The following FLRT1 variants were observed in gnomAD, a reference collection of about 807,000 sequenced individuals.
FLRT1 encodes leucine-rich repeat transmembrane protein FLRT1.
In FLRT1, 14 loss-of-function variants were observed where a neutral mutation model predicts 30.9. That is an observed-to-expected ratio of 0.45 (90% CI 0.30 to 0.71). The LOEUF (loss-of-function observed/expected upper bound fraction) is 0.71, where lower values mean the gene tolerates loss of function less well. Ranked by LOEUF, FLRT1 falls within the 30% of genes least tolerant of loss-of-function variation. FLRT1 has a pLI of 0.08. For synonymous variants in FLRT1, 368 were observed against 430.4 expected (o/e 0.85, Z 1.80); for missense variants, 737 against 949.2 (o/e 0.78, Z 2.94).
intron 2 of FLRT1, among the ~76,000 whole-genome samples, chr11:64,112,090 T>C (rs188124533): frequency 6.6e-6 from 1 of 152,358 alleles, no homozygotes; most frequent in African/African-American, 2.4e-5. Context: ...TTCTCTCATC[T>C]ACAGAACGAG....
At chr11:64,060,276 G>C (rs1943874927) in intron 1 of FLRT1, 1 of 152,232 alleles carries the variant, frequency 6.6e-6, no homozygotes, top group African/African-American at 2.4e-5. Context: ...CTCCGGGAGC[G>C]GCGGGAGGTC....
chr11:64,054,888 C>G (rs1275180302), intron 1 of FLRT1, among the ~76,000 whole-genome samples: 1 of 152,084 alleles, frequency 6.6e-6, no homozygotes, highest in Non-Finnish European at 1.5e-5. Flanking sequence ...ACAAATACCC[C>G]CACTACTCTT....
chr11:64,085,327 C>T (rs772182439), intron 1 of FLRT1, among the ~76,000 whole-genome samples: 6 of 152,194 alleles, frequency 3.9e-5, no homozygotes, highest in Non-Finnish European at 7.3e-5. Context: ...GCAAACAAGC[C>T]TCAGCGCCCG....
At chr11:64,052,876 C>A (rs769237894) in intron 1 of FLRT1, among the ~76,000 whole-genome samples, 22 of 152,206 alleles carry the variant, frequency 1.4e-4, no homozygotes, top group Non-Finnish European at 2.5e-4. Flanking sequence ...CCTGCCAGAG[C>A]CCACCACTAC....
chr11:64,115,743 C>T (rs56207008), intron 2 of FLRT1, among the ~76,000 whole-genome samples: 16,840 of 152,200 alleles, frequency 0.11, 1,169 homozygotes, highest in Non-Finnish European at 0.16. Context: ...GACAGCAATG[C>T]GTGCTCCTCG....
At position 64,096,257 on chromosome 11, in the gene FLRT1, C is replaced by T. The variant is rs1412875984; in HGVS notation, c.-1037-6937C>T. Among the ~76,000 whole-genome samples, 1 of 152,198 alleles carries T rather than the reference C, an allele frequency of 6.6e-6. No individual in the cohort carries two copies. The highest frequency in any genetic ancestry group is 2.4e-5 in the African/African-American group (1 of 41,450). On this transcript the variant is annotated intron_variant, in intron 1 of 2. Coordinates refer to ENST00000682287, the MANE Select transcript of FLRT1 (RefSeq NM_013280.5). The surrounding 1 kb of genome is among the most constrained non-coding windows in gnomAD (Gnocchi z 4.6). ...CCACTGTTCTGCCGACAAAAGCAGG[C>T]CAATTTCCTGAAAGAAGAGGTTCCG...
chr11:64,094,500 C>T (rs1944542897), intron 1 of FLRT1, among the ~76,000 whole-genome samples: 1 of 151,962 alleles, frequency 6.6e-6, no homozygotes. Context: ...GGGAAGCTTC[C>T]TGGAGGAAGA....
At chr11:64,108,313 CAA>C (rs59331409) in intron 2 of FLRT1, among the ~76,000 whole-genome samples, 47 of 100,672 alleles carry the variant, frequency 4.7e-4, no homozygotes, top group Admixed American at 7.6e-4. Flanking sequence ...AACTCTGTCT[CAA>C]AAAAAAAAAA....
chr11:64,083,443 T>C (rs1474951965), intron 1 of FLRT1, among the ~76,000 whole-genome samples: 2 of 152,174 alleles, frequency 1.3e-5, no homozygotes, highest in African/African-American at 4.8e-5. Flanking sequence ...AGTGAGACTC[T>C]GTCCCCCAAA....
At chr11:64,084,043 GTGAGGCAGAGAC>G (rs1944349730) in intron 1 of FLRT1, among the ~76,000 whole-genome samples, 2 of 152,202 alleles carry the variant, frequency 1.3e-5, no homozygotes, top group African/African-American at 4.8e-5. Context: ...AGAGCTGGTG[GTGAGGCAGAGAC>G]TGAGGTTTCC....
At chr11:64,050,711 C>T (rs572991568) in intron 1 of FLRT1, among the ~76,000 whole-genome samples, 47 of 152,308 alleles carry the variant, frequency 3.1e-4, no homozygotes, top group African/African-American at 8.9e-4. Context: ...CTCTGCTTCC[C>T]GGGTTCAAGC....
chr11:64,061,366 T>C (rs1943900635), intron 1 of FLRT1, among the ~76,000 whole-genome samples: 1 of 152,142 alleles, frequency 6.6e-6, no homozygotes, highest in Non-Finnish European at 1.5e-5. Flanking sequence ...GTGAGGGCCC[T>C]CTGCTAGGCA....
intron 2 of FLRT1, among the ~76,000 whole-genome samples, chr11:64,111,167 T>C (rs551880056): frequency 6.6e-6 from 1 of 152,348 alleles, no homozygotes; most frequent in South Asian, 2.1e-4. Context: ...CAGATGTCCA[T>C]ACCAGGGAAT....
chr11:64,067,729 C>T lies in FLRT1; in HGVS notation c.-1038+31570C>T, dbSNP rs768609675. Among the ~76,000 whole-genome samples the T allele has an allele frequency of 5.9e-5, 9 of 152,178 alleles. No homozygotes were observed. Among genetic ancestry groups the T allele is most frequent in the Non-Finnish European group, 7.4e-5 (5 of 68,026 alleles). On this transcript the variant is annotated intron_variant, in intron 1 of 2. Coordinates refer to ENST00000682287, the MANE Select transcript of FLRT1 (RefSeq NM_013280.5). The surrounding 1 kb of genome is among the most constrained non-coding windows in gnomAD (Gnocchi z 4.6). ...TGCGGACACGCCCCTCGCGAGGCACCGCAGGCTGCCACCCCCAGCTTGTGA... is the reference window on the plus strand; with the variant it reads ...TGCGGACACGCCCCTCGCGAGGCACTGCAGGCTGCCACCCCCAGCTTGTGA...
chr11:64,087,392 C>T (rs1190916737), intron 1 of FLRT1, among the ~76,000 whole-genome samples: 2 of 152,190 alleles, frequency 1.3e-5, no homozygotes, highest in African/African-American at 2.4e-5. Context: ...GACCACAGGC[C>T]GGTTGTCCCC....
chr11:64,108,211 G>T (rs778688894), intron 2 of FLRT1, among the ~76,000 whole-genome samples: 1 of 151,990 alleles, frequency 6.6e-6, no homozygotes, highest in Non-Finnish European at 1.5e-5. Flanking sequence ...TACGCGGGAG[G>T]CTGAGGCAGA....
rs377482495 is a variant in FLRT1 at position 64,049,728 on chromosome 11, C to T, written c.-1038+13569C>T. Among the ~76,000 whole-genome samples the T allele has an allele frequency of 6.9e-4, 105 of 152,328 alleles. 1 individual carries two copies. The highest frequency in any genetic ancestry group is 6.8e-3 in the Middle Eastern group (2 of 294). On this transcript the variant is annotated intron_variant, in intron 1 of 2. Coordinates refer to ENST00000682287, the MANE Select transcript of FLRT1 (RefSeq NM_013280.5). ...GCACACCCCAGAGCCCAGTGTCTTG[C>T]CTTCTCATCCTGAGGGGGATCGGTT...
At chr11:64,089,075 C>T (rs1342764995) in intron 1 of FLRT1, among the ~76,000 whole-genome samples, 1 of 152,208 alleles carries the variant, frequency 6.6e-6, no homozygotes, top group African/African-American at 2.4e-5. Flanking sequence ...TCCTCCCTCC[C>T]TCCGGCCTGC....
chr11:64,065,585 C>T (rs184881625), intron 1 of FLRT1, among the ~76,000 whole-genome samples: 38 of 151,746 alleles, frequency 2.5e-4, no homozygotes, highest in South Asian at 1.5e-3. Flanking sequence ...GTCAGGAGAT[C>T]AAGACCATCC....
Sources: allele counts gnomAD v4.1 joint callset (sites outside exome capture counted in the v4.1 genomes callset), GRCh38; gene constraint gnomAD v4.1.1; non-coding constraint Gnocchi (gnomAD v3.1); transcripts MANE v1.5; gene names NCBI Gene and HGNC (gene_info 2026-07-23, HGNC 2026-07-21).